Variants in PCDHGA4 observed in about 807,000 individuals in gnomAD.
The protein encoded by PCDHGA4 is protocadherin gamma subfamily A, 4, also known as protocadherin gamma-A4.
PCDHGA4 carries 38 observed loss-of-function variants against 54.6 expected under a neutral mutation model. The observed-to-expected ratio is 0.70, with a 90% CI of 0.54 to 0.91. The LOEUF (loss-of-function observed/expected upper bound fraction) is 0.91. PCDHGA4 is among the 40% of genes least tolerant of loss of function. PCDHGA4 has a pLI of 0.00. For missense variants in PCDHGA4, 1,298 were observed against 1,220.9 expected (o/e 1.06, Z -0.94); for synonymous variants, 511 against 512.9 (o/e 1.00, Z 0.05).
At chr5:141,398,367 G>C (rs1480641333) in intron 1 of PCDHGA4, 1 of 1,430,476 alleles carries the variant, frequency 7.0e-7, no homozygotes, top group Non-Finnish European at 9.7e-7. Context: ...TGAGCGCAGA[G>C]AGCGGGGAGT....
chr5:141,366,376 T>C, intron 1 of PCDHGA4: 1 of 1,614,132 alleles, frequency 6.2e-7, no homozygotes, highest in Middle Eastern at 1.6e-4. Context: ...AGACCCCCAT[T>C]GACCCTGAGG....
chr5:141,409,803 C>T (rs779815582), intron 1 of PCDHGA4: 3 of 1,611,528 alleles, frequency 1.9e-6, no homozygotes, highest in African/African-American at 1.3e-5. Flanking sequence ...ACGCTGCAGG[C>T]CCGCGACCAC....
chr5:141,357,031 T>C lies in PCDHGA4; in HGVS notation c.1924T>C (p.Ser642Pro), dbSNP rs764103688. 2.5e-6 allele frequency: 4 copies of C among 1,613,998 alleles called. No individual in the cohort carries two copies. Among genetic ancestry groups the C allele is most frequent in the Non-Finnish European group, 3.4e-6 (4 of 1,179,962 alleles). The change falls in exon 1 of 4, where the codon TCC becomes CCC. Residue 642 changes from serine (S) to proline (P), a missense_variant. Transcript: ENST00000571252. ...CTGGCTGTCCTACAGCCTACTCAAGTCCAGCGAGCCGGGACTATTTGCAGT... is the reference window on the plus strand; with the variant it reads ...CTGGCTGTCCTACAGCCTACTCAAGCCCAGCGAGCCGGGACTATTTGCAGT... ...NAWLSYSLLK[S>P]SEPGLFAVGL...
At chr5:141,399,062 C>T in intron 1 of PCDHGA4, 1 of 1,613,790 alleles carries the variant, frequency 6.2e-7, no homozygotes, top group Non-Finnish European at 8.5e-7. Context: ...AAGGAATATT[C>T]AATGGTTGTA....
intron 3 of PCDHGA4, among the ~76,000 whole-genome samples, chr5:141,510,194 G>T (rs920127442): frequency 6.6e-6 from 1 of 151,462 alleles, no homozygotes. Context: ...AATCACTTGA[G>T]CCCAGGAGGC....
At position 141,394,582 on chromosome 5, in the gene PCDHGA4, A is replaced by C. The variant is rs1459158771; in HGVS notation, c.2514+36961A>C. The C allele has an allele frequency of 2.5e-6, 4 of 1,613,598 alleles. No individual in the cohort carries two copies. In the African/African-American group the frequency reaches 4.0e-5, roughly 16 times the overall value. ...GCAGAGCGTGGCTACCTGGTGACCA[A>C]GGTGGTGGCGGTGGACAGAGACTCG... On this transcript the variant is annotated intron_variant, in intron 1 of 3. Coordinates refer to ENST00000571252, the MANE Select transcript of PCDHGA4 (RefSeq NM_018917.4).
chr5:141,409,018 G>T lies in PCDHGA4; in HGVS notation c.2514+51397G>T, dbSNP rs369210340. The T allele has an allele frequency of 4.0e-5, 64 of 1,613,814 alleles. No individual in the cohort carries two copies. The Admixed American group carries it at 1.1e-3, about 27-fold the overall frequency. ...TGACAGCCACTGACCAGGATGAGGG[G>T]GTCAATGCTGAGATAAACTACTACT... On this transcript the variant is annotated intron_variant, in intron 1 of 3. Transcript: ENST00000571252.
At position 141,357,222 on chromosome 5, in the gene PCDHGA4, C is replaced by G; in HGVS notation, c.2115C>G (p.Asp705Glu). 1 of 1,613,872 alleles carries G rather than the reference C, an allele frequency of 6.2e-7. No individual in the cohort carries two copies. The highest frequency in any genetic ancestry group is 8.5e-7 in the Non-Finnish European group (1 of 1,179,866). Residue 705 changes from aspartate to glutamate, a missense_variant, in exon 1 of 4, where the codon GAC (aspartate) becomes GAG (glutamate). By Grantham distance (45) the Asp-to-Glu change is conservative (BLOSUM62 2). Transcript: ENST00000571252. ...VADSIPDVLA[D>E]LGSLKPSADP... ...ACAGCATCCCAGATGTCCTGGCTGA[C>G]TTGGGCAGCCTCAAGCCTTCAGCAG...
In PCDHGA4 at chr5:141,408,707, G is replaced by A. The variant is rs899200128; in HGVS notation, c.2514+51086G>A. On this transcript the variant is annotated intron_variant, in intron 1 of 3. Coordinates refer to ENST00000571252, the MANE Select transcript of PCDHGA4 (RefSeq NM_018917.4). ...TGATATAAACATAAACTCAATTAAAGATTATAAGATAAACTCTAATCCTTA... is the reference window on the plus strand; with the variant it reads ...TGATATAAACATAAACTCAATTAAAAATTATAAGATAAACTCTAATCCTTA... 1.9e-6 allele frequency: 3 copies of A among 1,612,764 alleles called. No homozygotes were observed. In the African/African-American group the frequency reaches 4.0e-5, roughly 22 times the overall value.
Position 141,485,665 on chromosome 5 carries a change from C to G in PCDHGA4, c.2515-9142C>G. ...AGGCTCAGGATGCAGATGTGGGGAG[C>G]AATTCGATTAGCAGCTATAGGCTGA... On this transcript the variant is annotated intron_variant, in intron 1 of 3. Coordinates refer to ENST00000571252, the MANE Select transcript of PCDHGA4 (RefSeq NM_018917.4). This position sits in a 1 kb window ranked among gnomAD's most constrained non-coding sequence, Gnocchi z 5.7. 1 of 1,612,622 alleles carries G rather than the reference C, an allele frequency of 6.2e-7. No individual in the cohort carries two copies.
chr5:141,410,239 T>C, intron 1 of PCDHGA4: 2 of 1,614,024 alleles, frequency 1.2e-6, no homozygotes, highest in Admixed American at 1.7e-5. Flanking sequence ...GCGACCGCCC[T>C]GTACTCTCTG....
intron 1 of PCDHGA4, chr5:141,415,542 T>C (rs770960227): frequency 1.2e-5 from 19 of 1,614,056 alleles, no homozygotes; most frequent in Non-Finnish European, 9.3e-6. Context: ...AGGAGAGCTG[T>C]GAGAAAAACG....
rs553735301 is a variant in PCDHGA4, at chr5:141,357,177, A to G, written c.2070A>G (p.Thr690=). 3.7e-6 allele frequency: 6 copies of G among 1,613,562 alleles called. No homozygotes were observed. Among genetic ancestry groups the G allele is most frequent in the Non-Finnish European group, 5.1e-6 (6 of 1,179,854 alleles). The change falls in exon 1 of 4, where the codon ACA becomes ACG. Residue 690 remains threonine, a synonymous_variant. Coordinates refer to ENST00000571252, the MANE Select transcript of PCDHGA4 (RefSeq NM_018917.4). ...AGCCCCCTCTCTCGGCCACCGTCAC[A>G]CTCACTGTGGCTGTGGCCGACAGCA... ...HGQPPLSATV[T]LTVAVADSIP... is the part of the protein sequence containing the mutation.
At position 141,477,217 on chromosome 5, in the gene PCDHGA4, G is replaced by T. The variant is rs745497348; in HGVS notation, c.2515-17590G>T. On this transcript the variant is annotated intron_variant, in intron 1 of 3. Transcript: ENST00000571252. This position sits in a 1 kb window ranked among gnomAD's most constrained non-coding sequence, Gnocchi z 4.9. ...GCCCAGTACCCGAGGATGCCCCTCTGGGGACTGTCATCGCTTTGCTCAGTG... is the reference window on the plus strand; with the variant it reads ...GCCCAGTACCCGAGGATGCCCCTCTTGGGACTGTCATCGCTTTGCTCAGTG... The T allele has an allele frequency of 8.1e-6, 13 of 1,614,178 alleles. No homozygotes were observed. The African/African-American group carries it at 1.7e-4, about 22-fold the overall frequency.
intron 2 of PCDHGA4, among the ~76,000 whole-genome samples, chr5:141,500,148 G>A (rs936567158): frequency 6.6e-6 from 1 of 150,990 alleles, no homozygotes; most frequent in Non-Finnish European, 1.5e-5. Flanking sequence ...ACTTTTCTTT[G>A]TGTAATCAAA....
At position 141,365,513 on chromosome 5, in the gene PCDHGA4, G is replaced by C. The variant is rs756301595; in HGVS notation, c.2514+7892G>C. The C allele has an allele frequency of 8.7e-6, 14 of 1,613,760 alleles. No homozygotes were observed. The Admixed American group carries it at 2.3e-4, about 27-fold the overall frequency. Reference sequence around the variant, plus strand: ...TCCTAGGAATTTGCCTTTTAAATTGGAGAAGTCAGTTGATAATTACTATCA... The same window carrying C: ...TCCTAGGAATTTGCCTTTTAAATTGCAGAAGTCAGTTGATAATTACTATCA... On this transcript the variant is annotated intron_variant, in intron 1 of 3. Coordinates refer to ENST00000571252, the MANE Select transcript of PCDHGA4 (RefSeq NM_018917.4).
rs775132338 is a variant in PCDHGA4 at position 141,490,858 on chromosome 5, G to A, written c.2515-3949G>A. On this transcript the variant is annotated intron_variant, in intron 1 of 3. Coordinates refer to ENST00000571252, the MANE Select transcript of PCDHGA4 (RefSeq NM_018917.4). This position sits in a 1 kb window ranked among gnomAD's most constrained non-coding sequence, Gnocchi z 5.4. Reference sequence around the variant, plus strand: ...GATTGTGGTGGGGGTTCGAGACTCCGGCTCTCCCCCATTGCATGCCAACAC... The same window carrying A: ...GATTGTGGTGGGGGTTCGAGACTCCAGCTCTCCCCCATTGCATGCCAACAC... 14 of 1,613,704 alleles carry A rather than the reference G, an allele frequency of 8.7e-6. No homozygotes were observed. Among genetic ancestry groups the A allele is most frequent in the South Asian group, 2.2e-5 (2 of 91,068 alleles).
intron 1 of PCDHGA4, among the ~76,000 whole-genome samples, chr5:141,449,714 A>G (rs1188830159): frequency 2.6e-5 from 4 of 151,334 alleles, no homozygotes; most frequent in African/African-American, 7.3e-5. Flanking sequence ...CATTATTTTT[A>G]TATGATATGA....
chr5:141,367,141 T>G (rs1764967867), intron 1 of PCDHGA4: 1 of 171,782 alleles, frequency 5.8e-6, no homozygotes, highest in Admixed American at 5.8e-5. Context: ...GAAAGGATAA[T>G]GTATAGGACT....
Sources: gnomAD v4.1 joint callset for allele counts (sites outside exome capture counted in the v4.1 genomes callset) on GRCh38, gnomAD v4.1.1 for gene constraint, Gnocchi (gnomAD v3.1) non-coding constraint, MANE v1.5 for transcripts, NCBI Gene and HGNC (gene_info 2026-07-23, HGNC 2026-07-21) for gene names.